DIS3L2: variants seen among roughly 807,000 people sequenced by gnomAD.
DIS3L2 encodes the protein DIS3 like 3'-5' exoribonuclease 2, also known as DIS3-like exonuclease 2.
Under a neutral mutation model 97.5 loss-of-function variants are expected in DIS3L2, and 34 were observed. The ratio of observed to expected loss-of-function variants is 0.35; its 90% confidence interval spans 0.27 to 0.46. The LOEUF is 0.46. DIS3L2 is among the 20% of genes least tolerant of loss of function. The pLI is 1.00. For synonymous variants in DIS3L2, 435 were observed against 445.2 expected (o/e 0.98, Z 0.29); for missense variants, 1,038 against 1,146.0 (o/e 0.91, Z 1.36).
chr2:232,210,987 A>G (rs1245187461), intron 10 of DIS3L2, among the ~76,000 whole-genome samples: 1 of 151,982 alleles, frequency 6.6e-6, no homozygotes, highest in Admixed American at 6.6e-5. Context: ...GATGTTACTG[A>G]GCAGGTAAAA....
At chr2:232,066,661 T>C (rs888318808) in intron 5 of DIS3L2, among the ~76,000 whole-genome samples, 4 of 152,050 alleles carry the variant, frequency 2.6e-5, no homozygotes, top group Non-Finnish European at 4.4e-5. Context: ...TTTTAAGTAT[T>C]TGATAAAATT....
At chr2:232,304,537 A>G (rs1055931260) in intron 14 of DIS3L2, among the ~76,000 whole-genome samples, 1 of 152,242 alleles carries the variant, frequency 6.6e-6, no homozygotes, top group Non-Finnish European at 1.5e-5. Flanking sequence ...CTTTGGAGTT[A>G]CTGTGTGGAT....
At chr2:232,061,314 C>G (rs73995073) in intron 5 of DIS3L2, among the ~76,000 whole-genome samples, 2,493 of 152,304 alleles carry the variant, frequency 0.016, 69 homozygotes, top group African/African-American at 0.057. Context: ...TGTTTGTTAC[C>G]TGGCTTAGGT....
At chr2:232,031,512 A>G (rs908574538) in intron 5 of DIS3L2, among the ~76,000 whole-genome samples, 3 of 115,598 alleles carry the variant, frequency 2.6e-5, no homozygotes, top group Non-Finnish European at 5.5e-5. Flanking sequence ...TTTTTTTTTT[A>G]TATTATACCC....
intron 17 of DIS3L2, 139 bp from the exon 18 acceptor site, chr2:232,334,230 G>A (rs1050415319): frequency 7.7e-5 from 97 of 1,264,442 alleles, no homozygotes; most frequent in African/African-American, 7.2e-4. Context: ...TCGAAGGGCC[G>A]CTTTCTGCTG....
chr2:232,338,580 C>G (rs1696038969), downstream of DIS3L2, among the ~76,000 whole-genome samples: 2 of 152,046 alleles, frequency 1.3e-5, no homozygotes, highest in African/African-American at 4.8e-5. Flanking sequence ...CTCCAGTGAC[C>G]TGGCAAGGTT....
downstream of DIS3L2, among the ~76,000 whole-genome samples, chr2:232,337,719 C>T (rs1013225491): frequency 1.6e-4 from 24 of 151,930 alleles, no homozygotes; most frequent in African/African-American, 1.5e-4. Context: ...CTGGGGTGTC[C>T]GGATTAACAA....
At position 232,329,829 on chromosome 2, in the gene DIS3L2, A is replaced by G. The variant is rs1224235194; in HGVS notation, c.1756A>G (p.Met586Val). 9.7e-6 allele frequency: 10 copies of G among 1,026,392 alleles called. No individual in the cohort carries two copies. Among genetic ancestry groups the G allele is most frequent in the Non-Finnish European group, 1.2e-5 (9 of 753,752 alleles). 63.6% of individuals were successfully genotyped at this position (1,026,392 alleles called of 1,614,324 possible). ...CCTCTGCAGGCTCGTGGAGGAGTTC[A>G]TGCTCTTGGCCAACATGGCAGTGGC... ...RESNKLVEEF[M>V]LLANMAVAHK... The change falls in exon 15 of 21, where the codon ATG (methionine) becomes GTG (valine). Residue 586 changes from methionine to valine, a missense_variant. By Grantham distance (21) the Met-to-Val change is conservative. Coordinates refer to ENST00000325385, the MANE Select transcript of DIS3L2 (RefSeq NM_152383.5).
chr2:232,010,368 A>G (rs558231047), intron 1 of DIS3L2, among the ~76,000 whole-genome samples: 4 of 152,140 alleles, frequency 2.6e-5, no homozygotes, highest in East Asian at 3.9e-4. Context: ...ATTTTGGAAT[A>G]TGTTATGAAG....
intron 6 of DIS3L2, among the ~76,000 whole-genome samples, chr2:232,092,319 A>G (rs541954051): frequency 2.0e-4 from 31 of 152,220 alleles, no homozygotes; most frequent in African/African-American, 7.2e-4. Flanking sequence ...ATAGCTCTGT[A>G]TTATAATTTG....
rs1023106948 is a variant in DIS3L2 at position 232,028,548 on chromosome 2, T to A, written c.265-1431T>A. Reference sequence around the variant, plus strand: ...ACTATCATCCCATCAATCTGAAATCTCTGCGCTGCCAAAGGGTGGTTGTAT... The same window carrying A: ...ACTATCATCCCATCAATCTGAAATCACTGCGCTGCCAAAGGGTGGTTGTAT... On this transcript the variant is annotated intron_variant, in intron 4 of 20. Transcript: ENST00000325385. 2.0e-5 allele frequency among the ~76,000 whole-genome samples: 3 copies of A among 152,166 alleles called. No homozygotes were observed. In the East Asian group the frequency reaches 5.8e-4, roughly 29 times the overall value.
intron 9 of DIS3L2, among the ~76,000 whole-genome samples, chr2:232,174,873 G>A (rs1472141803): frequency 4.0e-5 from 6 of 149,978 alleles, no homozygotes; most frequent in Non-Finnish European, 7.4e-5. Context: ...ACAGCGTCTT[G>A]CTCTGTTGCC....
intron 8 of DIS3L2, among the ~76,000 whole-genome samples, chr2:232,137,106 C>A (rs1574902949): frequency 6.6e-6 from 1 of 152,186 alleles, no homozygotes; most frequent in East Asian, 1.9e-4. Flanking sequence ...CAGGAGACCC[C>A]AGGCTCCTTT....
At chr2:232,290,571 A>G (rs1694573872) in intron 13 of DIS3L2, among the ~76,000 whole-genome samples, 1 of 152,194 alleles carries the variant, frequency 6.6e-6, no homozygotes, top group Non-Finnish European at 1.5e-5. Context: ...TCCTTCCTAC[A>G]GAGCAACCCT....
chr2:232,139,809 G>T (rs1698461673), intron 8 of DIS3L2, among the ~76,000 whole-genome samples: 1 of 152,136 alleles, frequency 6.6e-6, no homozygotes, highest in Non-Finnish European at 1.5e-5. Context: ...ATACACAATT[G>T]CAGTAAGACA....
intron 13 of DIS3L2, among the ~76,000 whole-genome samples, chr2:232,282,199 C>T (rs549690979): frequency 1.6e-4 from 21 of 135,044 alleles, no homozygotes; most frequent in African/African-American, 5.5e-4. Context: ...TGAAACCCAA[C>T]ATGTCAGTGA....
intron 9 of DIS3L2, among the ~76,000 whole-genome samples, chr2:232,168,926 A>G (rs1307819397): frequency 1.3e-4 from 20 of 152,186 alleles, no homozygotes; most frequent in Admixed American, 1.3e-3. Context: ...TTTTTATACC[A>G]AAAATATTTA....
intron 12 of DIS3L2, among the ~76,000 whole-genome samples, 159 bp downstream of exon 12, chr2:232,249,505 G>A (rs949505146): frequency 1.3e-5 from 2 of 152,246 alleles, no homozygotes; most frequent in African/African-American, 2.4e-5. Flanking sequence ...CCCTGCCTCG[G>A]AAGAGCCGTT....
intron 9 of DIS3L2, among the ~76,000 whole-genome samples, chr2:232,196,849 T>C (rs752744266): frequency 2.0e-5 from 3 of 151,742 alleles, no homozygotes; most frequent in Non-Finnish European, 4.4e-5. Context: ...GTGTATAGCT[T>C]TTATAGAAGG....
Sources: gnomAD v4.1 joint callset for allele counts (sites outside exome capture counted in the v4.1 genomes callset) on GRCh38, gnomAD v4.1.1 for gene constraint, MANE v1.5 for transcripts, NCBI Gene and HGNC (gene_info 2026-07-23, HGNC 2026-07-21) for gene names.